SIL1: variants seen among roughly 807,000 people sequenced by gnomAD.
SIL1 encodes nucleotide exchange factor SIL1.
Under a neutral mutation model 49.1 loss-of-function variants are expected in SIL1, and 40 were observed. That is an observed-to-expected ratio of 0.81 (90% CI 0.63 to 1.06). The LOEUF (loss-of-function observed/expected upper bound fraction) is 1.06. SIL1 is among the 50% of genes least tolerant of loss of function. The pLI is 0.00. For missense variants in SIL1, 500 were observed against 572.6 expected, an observed-to-expected ratio of 0.87 and a Z score of 1.29; for synonymous variants, 253 against 250.8, an observed-to-expected ratio of 1.01 and a Z score of -0.08.
chr5:139,043,097 C>CTA (rs1273977612), intron 4 of SIL1, among the ~76,000 whole-genome samples: 1 of 152,178 alleles, frequency 6.6e-6, no homozygotes, highest in Non-Finnish European at 1.5e-5. Flanking sequence ...GCTGAGTGTA[C>CTA]TATCATACCT....
At chr5:139,106,581 CTTCT>C (rs1435525419) in intron 3 of SIL1, among the ~76,000 whole-genome samples, 1 of 152,058 alleles carries the variant, frequency 6.6e-6, no homozygotes, top group Admixed American at 6.5e-5. Context: ...AAAATATGGG[CTTCT>C]GAGGGTAAAT....
Position 138,951,881 on chromosome 5 carries a change from G to A in SIL1, c.771C>T (p.Asn257=), listed in dbSNP as rs1766788197. ...AFVLGAAFSS[N]PKVQVEAIEG... ...CGATGGCCTCCACCTGGACCTTGGGGTTGCTGGGGAAGAAGCACAGGACAG... is the reference window on the plus strand; with the variant it reads ...CGATGGCCTCCACCTGGACCTTGGGATTGCTGGGGAAGAAGCACAGGACAG... Residue 257 remains asparagine (N), a synonymous_variant, in exon 8 of 10, where the codon AAC becomes AAT. Coordinates refer to ENST00000394817, the MANE Select transcript of SIL1 (RefSeq NM_022464.5). 5 of 1,613,596 alleles carry A rather than the reference G, an allele frequency of 3.1e-6. No homozygotes were observed. Among genetic ancestry groups the A allele is most frequent in the Non-Finnish European group, 4.2e-6 (5 of 1,179,952 alleles).
chr5:139,013,590 A>G (rs1317205159), intron 7 of SIL1: 2 of 152,162 alleles, frequency 1.3e-5, no homozygotes, highest in African/African-American at 4.8e-5. Flanking sequence ...GGGCTACCAC[A>G]TAAAGAATAT....
At position 139,028,017 on chromosome 5, in the gene SIL1, T is replaced by C. The variant is rs115158522; in HGVS notation, c.454-1025A>G. On this transcript the variant is annotated intron_variant, in intron 5 of 9. Coordinates refer to ENST00000394817, the MANE Select transcript of SIL1 (RefSeq NM_022464.5). Reference sequence around the variant, plus strand: ...ATCCTGATTCTCTGGGCTAAAATAATATGAGATACTCTCCCTGCACCCAGC... The same window carrying C: ...ATCCTGATTCTCTGGGCTAAAATAACATGAGATACTCTCCCTGCACCCAGC... 2.2e-3 allele frequency among the ~76,000 whole-genome samples: 336 copies of C among 152,160 alleles called. 1 individual carries two copies. The highest frequency in any genetic ancestry group is 8.0e-3 in the African/African-American group (332 of 41,512).
chr5:139,184,173 C>T (rs1752038994), intron 1 of SIL1, among the ~76,000 whole-genome samples: 1 of 152,192 alleles, frequency 6.6e-6, no homozygotes, highest in South Asian at 2.1e-4. Context: ...ATCACCACCA[C>T]TCCATTCCTG....
intron 1 of SIL1, among the ~76,000 whole-genome samples, chr5:139,179,767 A>G (rs1308821158): frequency 6.6e-6 from 1 of 152,212 alleles, no homozygotes; most frequent in East Asian, 1.9e-4. Context: ...GTCAAGGGTC[A>G]CACCCACAGC....
chr5:139,073,996 AT>A (rs1408571598), intron 3 of SIL1, among the ~76,000 whole-genome samples: 1 of 152,190 alleles, frequency 6.6e-6, no homozygotes, highest in African/African-American at 2.4e-5. Context: ...TATGATAACT[AT>A]GTGAGGTAAT....
rs1461803603 is a variant in SIL1, at chr5:138,952,924, A to C, written c.768-1040T>G. 3.3e-5 allele frequency among the ~76,000 whole-genome samples: 5 copies of C among 152,400 alleles called. 1 individual carries two copies. The South Asian group carries it at 8.3e-4, about 25-fold the overall frequency. The stretch of plus-strand genomic sequence containing the variant: ...ATCAATTAAGGAGCAAGTGTCAAGC[A>C]CAGGGACCAGATAGTCAGGCCCTTG... On this transcript the variant is annotated intron_variant, in intron 7 of 9. Transcript: ENST00000394817.
At chr5:139,183,171 C>T (rs1007941922) in intron 1 of SIL1, among the ~76,000 whole-genome samples, 1 of 152,230 alleles carries the variant, frequency 6.6e-6, no homozygotes, top group South Asian at 2.1e-4. Flanking sequence ...TGGCCCGGCA[C>T]AGGTCAGGTC....
Position 139,147,091 on chromosome 5 carries a change from G to T in SIL1, c.-10-19238C>A, listed in dbSNP as rs1751209067. Among the ~76,000 whole-genome samples, 3 of 152,206 alleles carry T rather than the reference G, an allele frequency of 2.0e-5. No homozygotes were observed. In the South Asian group the frequency reaches 6.2e-4, roughly 31 times the overall value. Reference sequence around the variant, plus strand: ...AGGTGAATAAATGGGTGAGTGGACAGACGAACAGATAAGCAAATAAACACC... The same window carrying T: ...AGGTGAATAAATGGGTGAGTGGACATACGAACAGATAAGCAAATAAACACC... On this transcript the variant is annotated intron_variant, in intron 1 of 9. Transcript: ENST00000394817.
rs1161523539 is a variant in SIL1 at position 138,974,016 on chromosome 5, C to T, written c.768-22132G>A. 2.6e-5 allele frequency among the ~76,000 whole-genome samples: 4 copies of T among 152,272 alleles called. No individual in the cohort carries two copies. The South Asian group carries it at 8.3e-4, about 32-fold the overall frequency. ...ATTTTCAATGTAGAGACCCTACTCTCCAGAAAGAAGAGGCTCCTCAGGTCT... is the reference window on the plus strand; with the variant it reads ...ATTTTCAATGTAGAGACCCTACTCTTCAGAAAGAAGAGGCTCCTCAGGTCT... On this transcript the variant is annotated intron_variant, in intron 7 of 9. Transcript: ENST00000394817.
chr5:138,997,483 T>C (rs562034241), intron 7 of SIL1, among the ~76,000 whole-genome samples: 7 of 152,324 alleles, frequency 4.6e-5, no homozygotes, highest in East Asian at 1.9e-4. Context: ...TTCTGTTCCA[T>C]TGGTCTTTGT....
intron 3 of SIL1, among the ~76,000 whole-genome samples, chr5:139,056,711 G>A (rs1210119043): frequency 6.8e-6 from 1 of 146,944 alleles, no homozygotes; most frequent in Non-Finnish European, 1.5e-5. Flanking sequence ...TCAGCCCCCC[G>A]CCCGGCCAGC....
intron 7 of SIL1, among the ~76,000 whole-genome samples, chr5:139,016,481 G>C (rs547348982): frequency 6.6e-6 from 1 of 152,268 alleles, no homozygotes; most frequent in South Asian, 2.1e-4. Flanking sequence ...CATTATGGGA[G>C]AAAATGAAAA....
chr5:139,023,523 G>A (rs373016303), intron 6 of SIL1, among the ~76,000 whole-genome samples: 6 of 152,332 alleles, frequency 3.9e-5, no homozygotes, highest in South Asian at 2.1e-4. Flanking sequence ...TAGATGGGGC[G>A]GACGGAGGCC....
At chr5:139,052,831 A>G (rs1046055839) in intron 3 of SIL1, among the ~76,000 whole-genome samples, 1 of 152,186 alleles carries the variant, frequency 6.6e-6, no homozygotes, top group Non-Finnish European at 1.5e-5. Context: ...AAATGCACTG[A>G]CACGGAACCC....
At chr5:139,023,828 G>C (rs1195148646) in intron 6 of SIL1, among the ~76,000 whole-genome samples, 1 of 152,228 alleles carries the variant, frequency 6.6e-6, no homozygotes, top group Non-Finnish European at 1.5e-5. Flanking sequence ...TGAAATCACA[G>C]CTTAACATTG....
intron 3 of SIL1, among the ~76,000 whole-genome samples, chr5:139,104,233 G>A (rs975665679): frequency 6.6e-6 from 1 of 152,186 alleles, no homozygotes; most frequent in Non-Finnish European, 1.5e-5. Context: ...GTAGGTAACA[G>A]ACTGGGCAGG....
At chr5:139,042,110 C>T (rs1769060442) in intron 5 of SIL1, among the ~76,000 whole-genome samples, 1 of 152,220 alleles carries the variant, frequency 6.6e-6, no homozygotes, top group Non-Finnish European at 1.5e-5. Flanking sequence ...CCTCAGTCAT[C>T]CTCTTGTTCC....
Sources: allele counts gnomAD v4.1 joint callset (sites outside exome capture counted in the v4.1 genomes callset), GRCh38; gene constraint gnomAD v4.1.1; transcripts MANE v1.5; gene names NCBI Gene and HGNC (gene_info 2026-07-23, HGNC 2026-07-21).